Variants in GRM7 observed in about 807,000 individuals in gnomAD.
GRM7 encodes glutamate metabotropic receptor 7.
Under a neutral mutation model 84.5 loss-of-function variants are expected in GRM7, and 35 were observed. The ratio of observed to expected loss-of-function variants is 0.41; its 90% CI spans 0.32 to 0.55. GRM7 has a LOEUF of 0.55. Among genes scored for constraint, GRM7 ranks in the 20% least tolerant of loss-of-function variants. The pLI, the probability that GRM7 is intolerant of heterozygous loss-of-function variation, is 0.19. For missense variants in GRM7, 1,003 were observed against 1,194.6 expected (o/e 0.84, Z 2.36); for synonymous variants, 487 against 455.1 (o/e 1.07, Z -0.89).
chr3:7,157,109 A>G (rs1004270948), intron 2 of GRM7, among the ~76,000 whole-genome samples: 1 of 152,126 alleles, frequency 6.6e-6, no homozygotes, highest in Non-Finnish European at 1.5e-5. Flanking sequence ...TCTTCAGGGT[A>G]CCACCAGAAG....
chr3:7,432,212 A>C (rs138736824), intron 5 of GRM7, among the ~76,000 whole-genome samples: 2 of 152,210 alleles, frequency 1.3e-5, no homozygotes, highest in Non-Finnish European at 2.9e-5. Flanking sequence ...AAATTAATCA[A>C]CCCTTATTAC....
intron 1 of GRM7, among the ~76,000 whole-genome samples, chr3:6,943,156 C>CGT (rs1436054426): frequency 4.0e-4 from 60 of 151,806 alleles, no homozygotes; most frequent in Admixed American, 6.6e-4. Context: ...CAGCTGGCAG[C>CGT]ATATCTTTTT....
chr3:7,440,352 T>A (rs1433095365), intron 5 of GRM7, among the ~76,000 whole-genome samples: 1 of 152,186 alleles, frequency 6.6e-6, no homozygotes, highest in Non-Finnish European at 1.5e-5. Context: ...ACGCAACATT[T>A]CTTACAGCAT....
chr3:7,356,920 TCACACACACACA>T (rs34481316), intron 4 of GRM7, among the ~76,000 whole-genome samples: 1,381 of 131,284 alleles, frequency 0.011, 13 homozygotes, highest in Admixed American at 0.031. Context: ...GCCTTTTTGA[TCACACACACACA>T]CACACACACA....
At chr3:7,465,752 C>T (rs1478005073) in intron 7 of GRM7, among the ~76,000 whole-genome samples, 12 of 151,988 alleles carry the variant, frequency 7.9e-5, no homozygotes, top group African/African-American at 2.4e-4. Flanking sequence ...TTTTCGAGGG[C>T]GGCTTTCTCT....
At chr3:7,334,402 G>C (rs924758256) in intron 4 of GRM7, among the ~76,000 whole-genome samples, 75 of 151,754 alleles carry the variant, frequency 4.9e-4, no homozygotes, top group African/African-American at 1.7e-3. Flanking sequence ...TACTAAAAAG[G>C]GTTCTAAATC....
chr3:7,664,747 T>A (rs552329592), intron 8 of GRM7, among the ~76,000 whole-genome samples: 1 of 152,144 alleles, frequency 6.6e-6, no homozygotes, highest in Non-Finnish European at 1.5e-5. Flanking sequence ...TGCTCTACCA[T>A]AGAAAGAAAA....
chr3:7,330,005 C>T (rs546733485), intron 4 of GRM7, among the ~76,000 whole-genome samples: 1 of 152,194 alleles, frequency 6.6e-6, no homozygotes, highest in East Asian at 1.9e-4. Flanking sequence ...TTGCTCAACT[C>T]TTAAGAATGC....
At chr3:7,623,129 C>G (rs138160274) in intron 8 of GRM7, among the ~76,000 whole-genome samples, 2 of 151,984 alleles carry the variant, frequency 1.3e-5, no homozygotes, top group Non-Finnish European at 2.9e-5. Flanking sequence ...AAGGCACACA[C>G]GAGAAGTAGA....
intron 2 of GRM7, among the ~76,000 whole-genome samples, chr3:7,248,556 A>ATTTTTTT (rs1464496103): frequency 2.0e-5 from 3 of 152,050 alleles, no homozygotes; most frequent in Non-Finnish European, 4.4e-5. Context: ...CTTATTGAAC[A>ATTTTTTT]TTTTACTTAA....
intron 2 of GRM7, among the ~76,000 whole-genome samples, chr3:7,269,894 C>T (rs1259929129): frequency 2.0e-5 from 3 of 152,200 alleles, no homozygotes; most frequent in Admixed American, 2.0e-4. Flanking sequence ...TAACTAGAAA[C>T]ACCTTTTCAC....
intron 1 of GRM7, among the ~76,000 whole-genome samples, chr3:6,970,951 C>T (rs1693729557): frequency 6.6e-6 from 1 of 151,632 alleles, no homozygotes; most frequent in Non-Finnish European, 1.5e-5. Flanking sequence ...GACTACACTC[C>T]AGCCTGGGCC....
At chr3:7,210,281 C>A (rs866263124) in intron 2 of GRM7, among the ~76,000 whole-genome samples, 4 of 152,216 alleles carry the variant, frequency 2.6e-5, no homozygotes, top group Non-Finnish European at 5.9e-5. Context: ...CAGTTCCCAT[C>A]TATTAGCTAC....
chr3:7,611,562 T>C (rs766175130), intron 8 of GRM7, among the ~76,000 whole-genome samples: 4 of 152,184 alleles, frequency 2.6e-5, no homozygotes, highest in Non-Finnish European at 5.9e-5. Flanking sequence ...ATAGACCTAC[T>C]GGAGCTGAAA....
chr3:7,687,196 A>T (rs1700620101), intron 9 of GRM7, among the ~76,000 whole-genome samples: 1 of 152,202 alleles, frequency 6.6e-6, no homozygotes. Context: ...ATACCAATAA[A>T]TGCCAAAGGT....
chr3:7,570,377 T>G (rs1422868064), intron 7 of GRM7, among the ~76,000 whole-genome samples: 2 of 152,190 alleles, frequency 1.3e-5, no homozygotes, highest in Non-Finnish European at 1.5e-5. Context: ...AGTTAGTTAC[T>G]TCGTAGATAC....
rs75730357 is a variant in GRM7, at chr3:7,352,563, G to T, written c.1033+45911G>T. ...AACACAAGTCCTCATCATGCAATTG[G>T]CTGATTATAAGGAAAGGTGAACTCT... On this transcript the variant is annotated intron_variant, in intron 4 of 9. Transcript: ENST00000357716. 1.5e-3 allele frequency among the ~76,000 whole-genome samples: 225 copies of T among 152,204 alleles called. 3 individuals carry two copies. Among genetic ancestry groups the T allele is most frequent in the East Asian group, 3.1e-3 (16 of 5,150 alleles).
At chr3:7,050,265 AAAT>A (rs1696944776) in intron 1 of GRM7, among the ~76,000 whole-genome samples, 1 of 151,926 alleles carries the variant, frequency 6.6e-6, no homozygotes, top group South Asian at 2.1e-4. Context: ...AGGGGGAAGA[AAAT>A]AACTAACATA....
intron 7 of GRM7, among the ~76,000 whole-genome samples, chr3:7,540,559 A>G (rs1220012996): frequency 3.3e-5 from 5 of 152,204 alleles, no homozygotes; most frequent in African/African-American, 1.2e-4. Flanking sequence ...GGTTGGCAGG[A>G]CTAAGGTGAA....
Sources: allele counts gnomAD v4.1 joint callset (sites outside exome capture counted in the v4.1 genomes callset), GRCh38; gene constraint gnomAD v4.1.1; transcripts MANE v1.5; gene names NCBI Gene and HGNC (gene_info 2026-07-23, HGNC 2026-07-21).